Variants in RANBP17 observed in about 807,000 individuals in gnomAD.
The protein encoded by RANBP17 is RAN binding protein 17.
RANBP17 carries 158 observed loss-of-function variants against 141.2 expected under a neutral mutation model. The ratio of observed to expected loss-of-function variants is 1.12; its 90% CI spans 0.98 to 1.28. The LOEUF is 1.28. Among genes scored for constraint, RANBP17 ranks in the 50% most tolerant of loss-of-function variants. RANBP17 has a pLI of 0.00. For missense variants in RANBP17, 1,438 were observed against 1,290.7 expected, an observed-to-expected ratio of 1.11 and a Z score of -1.75; for synonymous variants, 430 against 450.0, an observed-to-expected ratio of 0.96 and a Z score of 0.56.
chr5:170,932,634 G>T (rs547301322), intron 12 of RANBP17, among the ~76,000 whole-genome samples: 1 of 152,138 alleles, frequency 6.6e-6, no homozygotes, highest in African/African-American at 2.4e-5. Context: ...GTTGAATTTT[G>T]TCAAAGGCCT....
intron 1 of RANBP17, among the ~76,000 whole-genome samples, chr5:170,872,073 G>A (rs1767781470): frequency 6.6e-6 from 1 of 152,156 alleles, no homozygotes; most frequent in Non-Finnish European, 1.5e-5. Flanking sequence ...ATGGTAGTTT[G>A]ATGGGAATAG....
At chr5:171,230,959 CAA>C (rs1764171202) in intron 22 of RANBP17, among the ~76,000 whole-genome samples, 1 of 151,716 alleles carries the variant, frequency 6.6e-6, no homozygotes, top group Non-Finnish European at 1.5e-5. Context: ...TTTGTTGAGA[CAA>C]GATCTCACTC....
chr5:170,914,191 A>C lies in RANBP17; in HGVS notation c.785A>C (p.Asp262Ala), dbSNP rs564838060. 1 of 1,609,574 alleles carries C rather than the reference A, an allele frequency of 6.2e-7. No individual in the cohort carries two copies. Among genetic ancestry groups the C allele is most frequent in the African/African-American group, 1.3e-5 (1 of 74,912 alleles). ...GTTTTCCTGGAACCAGAAACATTGG[A>C]TCTTTTCTTCAATTTGTATCATTCA... ...RTIFLEPETL[D>A]LFFNLYHSLP... The change falls in exon 8 of 28, where the codon GAT becomes GCT. Residue 262 changes from aspartate to alanine, a missense_variant. Transcript: ENST00000523189.
intron 14 of RANBP17, among the ~76,000 whole-genome samples, chr5:171,086,647 T>A (rs938314299): frequency 6.7e-6 from 1 of 150,318 alleles, no homozygotes; most frequent in African/African-American, 2.5e-5. Flanking sequence ...CAGCTCCTGT[T>A]ATTGGTCTAT....
chr5:171,156,715 T>C (rs1329785493), intron 14 of RANBP17, among the ~76,000 whole-genome samples: 2 of 152,172 alleles, frequency 1.3e-5, no homozygotes, highest in Non-Finnish European at 2.9e-5. Flanking sequence ...CTTGCCGCAC[T>C]GCAGTAATAA....
chr5:171,180,066 A>G (rs1760778458), intron 16 of RANBP17, among the ~76,000 whole-genome samples: 1 of 152,226 alleles, frequency 6.6e-6, no homozygotes. Flanking sequence ...CCACATGGCT[A>G]GAGACAGGGA....
intron 14 of RANBP17, among the ~76,000 whole-genome samples, chr5:171,035,271 T>C (rs1463763580): frequency 6.6e-6 from 1 of 152,116 alleles, no homozygotes; most frequent in Non-Finnish European, 1.5e-5. Context: ...TTGATATGTA[T>C]GCAGAACAGC....
chr5:170,904,913 C>G (rs904898766), intron 5 of RANBP17, among the ~76,000 whole-genome samples: 4 of 152,054 alleles, frequency 2.6e-5, no homozygotes, highest in Admixed American at 2.0e-4. Flanking sequence ...ACTAACTATT[C>G]AGGGATAGGT....
At chr5:171,247,165 C>G (rs368582937) in intron 24 of RANBP17, among the ~76,000 whole-genome samples, 1 of 152,044 alleles carries the variant, frequency 6.6e-6, no homozygotes, top group Non-Finnish European at 1.5e-5. Context: ...ACTCTAAAAC[C>G]CCTTCTTCCT....
intron 25 of RANBP17, among the ~76,000 whole-genome samples, chr5:171,292,908 C>T (rs1030486228): frequency 2.0e-5 from 3 of 152,174 alleles, no homozygotes; most frequent in African/African-American, 7.2e-5. Context: ...CCACTACCAT[C>T]AGGATGAAAT....
intron 14 of RANBP17, among the ~76,000 whole-genome samples, chr5:171,112,417 T>A (rs1755300023): frequency 6.6e-6 from 1 of 151,688 alleles, no homozygotes; most frequent in Non-Finnish European, 1.5e-5. Flanking sequence ...GCATATTGTG[T>A]CCAAACAAAC....
chr5:171,008,725 A>G (rs1779829291), intron 14 of RANBP17, among the ~76,000 whole-genome samples: 2 of 152,176 alleles, frequency 1.3e-5, no homozygotes, highest in South Asian at 2.1e-4. Flanking sequence ...CAAGGGTGGA[A>G]TGTCATCAGT....
chr5:171,264,163 A>G lies in RANBP17; in HGVS notation c.2777-1518A>G, dbSNP rs1004586533. On this transcript the variant is annotated intron_variant, in intron 24 of 27. Transcript: ENST00000523189. Reference sequence around the variant, plus strand: ...CAGATCCAGAAAAAACAAATGTCGTATGTTCCCATTGATAAGTGGGAGCTA... The same window carrying G: ...CAGATCCAGAAAAAACAAATGTCGTGTGTTCCCATTGATAAGTGGGAGCTA... Among the ~76,000 whole-genome samples the G allele has an allele frequency of 7.9e-5, 12 of 152,326 alleles. 1 individual carries two copies. Among genetic ancestry groups the G allele is most frequent in the Admixed American group, 4.6e-4 (7 of 15,300 alleles).
At chr5:171,086,450 T>A (rs1204026668) in intron 14 of RANBP17, among the ~76,000 whole-genome samples, 1 of 148,020 alleles carries the variant, frequency 6.8e-6, no homozygotes, top group Admixed American at 6.8e-5. Flanking sequence ...TCTGCCAGGC[T>A]TTGGTATCAG....
intron 5 of RANBP17, among the ~76,000 whole-genome samples, chr5:170,903,311 A>G (rs939253685): frequency 1.3e-5 from 2 of 152,200 alleles, no homozygotes; most frequent in African/African-American, 2.4e-5. Flanking sequence ...CTCAAGCTTC[A>G]GTAATGGTGG....
intron 22 of RANBP17, among the ~76,000 whole-genome samples, chr5:171,223,025 A>C (rs1216778612): frequency 1.3e-5 from 2 of 152,230 alleles, no homozygotes; most frequent in Non-Finnish European, 2.9e-5. Flanking sequence ...GTATGTAAGA[A>C]CAACCAATAG....
chr5:171,264,540 T>C (rs371780638), intron 24 of RANBP17, among the ~76,000 whole-genome samples: 2 of 152,250 alleles, frequency 1.3e-5, no homozygotes, highest in African/African-American at 4.8e-5. Context: ...TCCTCACCTG[T>C]AAATGGAGAT....
intron 18 of RANBP17, among the ~76,000 whole-genome samples, chr5:171,186,600 G>C (rs1308726008): frequency 8.2e-6 from 1 of 122,194 alleles, no homozygotes; most frequent in Non-Finnish European, 1.6e-5. Context: ...GCAGTGGTGC[G>C]ATCTCGGCTC....
At chr5:171,290,833 A>T (rs1768449835) in intron 25 of RANBP17, among the ~76,000 whole-genome samples, 1 of 152,206 alleles carries the variant, frequency 6.6e-6, no homozygotes, top group Admixed American at 6.5e-5. Context: ...GACCTGAGAG[A>T]GTAGCTGCAG....
Sources: gnomAD v4.1 joint callset for allele counts (sites outside exome capture counted in the v4.1 genomes callset) on GRCh38, gnomAD v4.1.1 for gene constraint, MANE v1.5 for transcripts, NCBI Gene and HGNC (gene_info 2026-07-23, HGNC 2026-07-21) for gene names.